The following BEGAIN variants were observed in gnomAD, a reference collection of about 807,000 sequenced individuals.
The protein encoded by BEGAIN is brain enriched guanylate kinase associated, also known as brain-enriched guanylate kinase-associated protein.
In BEGAIN, 19 loss-of-function variants were observed where a neutral mutation model predicts 35.8. The ratio of observed to expected loss-of-function variants is 0.53; its 90% CI spans 0.37 to 0.78. The LOEUF (loss-of-function observed/expected upper bound fraction) is 0.78. Ranked by LOEUF, BEGAIN falls within the 30% of genes least tolerant of loss-of-function variation. The pLI is 0.00. For synonymous variants in BEGAIN, 462 were observed against 388.6 expected (o/e 1.19, Z -2.22); for missense variants, 795 against 853.6 (o/e 0.93, Z 0.85).
Position 100,538,178 on chromosome 14 carries a change from C to T in BEGAIN, c.1630G>A (p.Gly544Arg). 4 of 1,535,270 alleles carry T rather than the reference C, an allele frequency of 2.6e-6. No individual in the cohort carries two copies. Among genetic ancestry groups the T allele is most frequent in the East Asian group, 4.8e-5 (2 of 41,954 alleles). Residue 544 changes from glycine to arginine, a missense_variant, in exon 7 of 7, where the codon GGG becomes AGG. This residue lies in a region of BEGAIN where 664 missense variants were observed against 647.7 expected (regional missense o/e 1.03). Coordinates refer to ENST00000554140, the MANE Select transcript of BEGAIN (RefSeq NM_001385089.1). ...PSEGGDGDRL[G>R]VQLCGTASSP... is the part of the protein sequence containing the mutation. The stretch of plus-strand genomic sequence containing the variant: ...CTGGCGGTCCCACACAGCTGCACCC[C>T]GAGCCTGTCCCCGTCCCCCCCCTCG...
At chr14:100,551,909 G>C (rs1267005141) in intron 2 of BEGAIN, among the ~76,000 whole-genome samples, 2 of 152,182 alleles carry the variant, frequency 1.3e-5, no homozygotes, top group Non-Finnish European at 2.9e-5. Context: ...CCTCTGGCTG[G>C]ACAGGACTTT....
intron 2 of BEGAIN, chr14:100,547,291 C>CG (rs2032656183): frequency 6.6e-6 from 1 of 152,282 alleles, no homozygotes; most frequent in Non-Finnish European, 1.5e-5. Context: ...GCATGCAGCA[C>CG]GGGAAACCTG....
intron 1 of BEGAIN, among the ~76,000 whole-genome samples, chr14:100,582,729 G>A (rs954978304): frequency 6.6e-6 from 1 of 152,088 alleles, no homozygotes; most frequent in Non-Finnish European, 1.5e-5. Context: ...CTGACCTTTC[G>A]AAGAGGTCTC....
At chr14:100,545,570 T>G (rs1595113229) in intron 3 of BEGAIN, 1 of 373,960 alleles carries the variant, frequency 2.7e-6, no homozygotes. Flanking sequence ...GGGAATCAGG[T>G]GCTTGGAGAT....
At chr14:100,557,565 C>T (rs922981157) in intron 2 of BEGAIN, among the ~76,000 whole-genome samples, 1 of 152,170 alleles carries the variant, frequency 6.6e-6, no homozygotes, top group Non-Finnish European at 1.5e-5. Flanking sequence ...CTGGCCTTGC[C>T]CTCACTTGGC....
Position 100,568,654 on chromosome 14 carries a change from C to T in BEGAIN, c.43-715G>A. The T allele has an allele frequency of 1.9e-6, 1 of 522,892 alleles. No homozygotes were observed. Among genetic ancestry groups the T allele is most frequent in the Non-Finnish European group, 2.5e-6 (1 of 407,628 alleles). The allele number at this position is 522,892 out of a possible 1,614,324, so 32.4% of individuals were successfully genotyped here. On this transcript the variant is annotated intron_variant, in intron 1 of 6. Coordinates refer to ENST00000554140, the MANE Select transcript of BEGAIN (RefSeq NM_001385089.1). This position sits in a 1 kb window ranked among gnomAD's most constrained non-coding sequence, Gnocchi z 7.5. ...CCCTCCCTGCCCAGCCCCGCTCAGC[C>T]GGGCAGCCCCTCCGCGCGCCGGGCA...
In BEGAIN at chr14:100,586,125, C is replaced by T. The variant is rs1257187349; in HGVS notation, c.42+1124G>A. Among the ~76,000 whole-genome samples the T allele has an allele frequency of 2.6e-5, 4 of 152,244 alleles. No individual in the cohort carries two copies. The highest frequency in any genetic ancestry group is 2.1e-4 in the South Asian group (1 of 4,834). On this transcript the variant is annotated intron_variant, in intron 1 of 6. Transcript: ENST00000554140. This position sits in a 1 kb window ranked among gnomAD's most constrained non-coding sequence, Gnocchi z 4.9. ...AGGCCAGCCTGGCAGGGCTGCACAC[C>T]GCAGTTTGTTAGGGGCTTCTGCCCA...
chr14:100,544,584 G>T (rs2032109434), intron 4 of BEGAIN, among the ~76,000 whole-genome samples: 2 of 152,218 alleles, frequency 1.3e-5, no homozygotes, highest in Non-Finnish European at 1.5e-5. Context: ...CCTGCAGGTG[G>T]TGTGAGGGTC....
intron 2 of BEGAIN, among the ~76,000 whole-genome samples, chr14:100,556,165 C>T (rs1311023158): frequency 6.6e-6 from 1 of 152,112 alleles, no homozygotes; most frequent in Non-Finnish European, 1.5e-5. Context: ...CCGTCTTGCT[C>T]CCCTGCCCTC....
At chr14:100,576,506 C>A (rs2035206536) in intron 1 of BEGAIN, among the ~76,000 whole-genome samples, 1 of 152,220 alleles carries the variant, frequency 6.6e-6, no homozygotes, top group Non-Finnish European at 1.5e-5. Context: ...TCAGAACAGA[C>A]CCCCTCCCGG....
intron 2 of BEGAIN, among the ~76,000 whole-genome samples, chr14:100,559,234 C>G (rs890313616): frequency 2.6e-5 from 4 of 152,100 alleles, no homozygotes; most frequent in African/African-American, 9.7e-5. Context: ...GCACCCCTGC[C>G]TGGGCTCCTC....
Position 100,546,533 on chromosome 14 carries a change from C to T in BEGAIN, c.201G>A (p.Glu67=), listed in dbSNP as rs1422617321. The T allele has an allele frequency of 6.3e-7, 1 of 1,576,864 alleles. No homozygotes were observed. The highest frequency in any genetic ancestry group is 8.6e-7 in the Non-Finnish European group (1 of 1,167,618). The change falls in exon 3 of 7, where the codon GAG becomes GAA. Residue 67 remains glutamate, a synonymous_variant. Coordinates refer to ENST00000554140, the MANE Select transcript of BEGAIN (RefSeq NM_001385089.1). ...GCTTCTCCGTGACCTTCTCCAGTTC[C>T]TCCTGCGCGCGCCGCAGCTCGATCT... is the stretch of plus-strand genomic sequence containing the variant. ...YLEIELRRAQ[E]ELEKVTEKLR... is the part of the protein sequence containing the mutation.
At chr14:100,565,418 G>A (rs886705152) in intron 2 of BEGAIN, among the ~76,000 whole-genome samples, 3 of 152,188 alleles carry the variant, frequency 2.0e-5, no homozygotes, top group African/African-American at 7.2e-5. Flanking sequence ...ATGTACACCT[G>A]CCCACCAAAG....
At chr14:100,540,261 G>A (rs1430280052) in intron 6 of BEGAIN, 10 of 544,256 alleles carry the variant, frequency 1.8e-5, no homozygotes, top group East Asian at 5.8e-5. Context: ...ACCAGCAGCC[G>A]GGGTGGGCCA....
Position 100,537,772 on chromosome 14 carries a change from C to G in BEGAIN, c.*197G>C, listed in dbSNP as rs373242284. 2.6e-6 allele frequency: 2 copies of G among 782,266 alleles called. No homozygotes were observed. Among genetic ancestry groups the G allele is most frequent in the Non-Finnish European group, 3.8e-6 (2 of 530,930 alleles). The allele number at this position is 782,266 out of a possible 1,614,324, so 48.5% of individuals were successfully genotyped here. On this transcript the variant is annotated 3_prime_UTR_variant, in exon 7 of 7. Transcript: ENST00000554140. ...TAAGTGGAGTTCCACGGGCCGGGGCCGGGTGGACACCGTGGTGTGGGGGAC... is the reference window on the plus strand; with the variant it reads ...TAAGTGGAGTTCCACGGGCCGGGGCGGGGTGGACACCGTGGTGTGGGGGAC...
At chr14:100,543,717 G>T (rs1211081225) in intron 5 of BEGAIN, 141 bp downstream of exon 5, 4 of 663,842 alleles carry the variant, frequency 6.0e-6, no homozygotes, top group African/African-American at 3.6e-5. Flanking sequence ...CCTGTACCCT[G>T]CACCAGCCCC....
rs150708735 is a variant in BEGAIN at position 100,538,917 on chromosome 14, G to A, written c.891C>T (p.Phe297=). 1.2e-4 allele frequency: 196 copies of A among 1,607,810 alleles called. 1 individual carries two copies. The African/African-American group carries it at 1.2e-3, about 10-fold the overall frequency. The part of the protein sequence containing the change: ...EEEEEAEAAA[F]PAGFQHEAFP... ...AGGCCTCATGCTGGAAGCCCGCCGG[G>A]AAGGCCGCCGCCTCGGCCTCCTCCT... The change falls in exon 7 of 7, where the codon TTC becomes TTT. Residue 297 remains phenylalanine, a synonymous_variant. Coordinates refer to ENST00000554140, the MANE Select transcript of BEGAIN (RefSeq NM_001385089.1).
At position 100,537,652 on chromosome 14, in the gene BEGAIN, G is replaced by A; in HGVS notation, c.*317C>T. On this transcript the variant is annotated 3_prime_UTR_variant, in exon 7 of 7. Coordinates refer to ENST00000554140, the MANE Select transcript of BEGAIN (RefSeq NM_001385089.1). ...GTCCAGGGAGCTGGAGGCCAAGTGCGTTAAGAAAGACCCTTTTTCTCTATA... is the reference window on the plus strand; with the variant it reads ...GTCCAGGGAGCTGGAGGCCAAGTGCATTAAGAAAGACCCTTTTTCTCTATA... 3.0e-6 allele frequency: 1 copy of A among 329,528 alleles called. No individual in the cohort carries two copies. The highest frequency in any genetic ancestry group is 5.5e-6 in the Non-Finnish European group (1 of 180,528). The allele number at this position is 329,528 out of a possible 1,614,324, so 20.4% of individuals were successfully genotyped here.
chr14:100,561,713 G>A lies in BEGAIN; in HGVS notation c.71+6198C>T, dbSNP rs1439495399. 1.4e-5 allele frequency among the ~76,000 whole-genome samples: 2 copies of A among 139,798 alleles called. 1 individual carries two copies. The highest frequency in any genetic ancestry group is 4.3e-4 in the South Asian group (2 of 4,614). 91.7% of individuals were successfully genotyped at this position (139,798 alleles called of 152,430 possible). ...CCAGCCTGGCGGACAGAGCAAGACT[G>A]TCGAAAAAAAAAAAAATTTGCTGAA... On this transcript the variant is annotated intron_variant, in intron 2 of 6. Transcript: ENST00000554140.
Sources: gnomAD v4.1 joint callset for allele counts (sites outside exome capture counted in the v4.1 genomes callset) on GRCh38, gnomAD v4.1.1 for gene constraint, gnomAD v4.1.1 regional missense constraint, Gnocchi (gnomAD v3.1) non-coding constraint, MANE v1.5 for transcripts, NCBI Gene and HGNC (gene_info 2026-07-23, HGNC 2026-07-21) for gene names.